The following ZNF518A variants were observed in gnomAD, a reference collection of about 807,000 sequenced individuals.
ZNF518A encodes the protein zinc finger protein 518A.
Under a neutral mutation model 102.7 loss-of-function variants are expected in ZNF518A, and 47 were observed. That is an observed-to-expected ratio of 0.46 (90% CI 0.36 to 0.58). ZNF518A has a LOEUF of 0.58. Ranked by LOEUF, ZNF518A falls within the 20% of genes least tolerant of loss-of-function variation. The pLI, the probability that ZNF518A is intolerant of heterozygous loss-of-function variation, is 0.00. For missense variants in ZNF518A, 1,793 were observed against 1,699.8 expected (o/e 1.05, Z -0.96); for synonymous variants, 652 against 594.6 (o/e 1.10, Z -1.40).
At position 96,156,327 on chromosome 10, in the gene ZNF518A, C is replaced by A; in HGVS notation, c.5C>A (p.Pro2Gln). Residue 2 changes from proline (P) to glutamine (Q), a missense_variant, in exon 6 of 6, where the codon CCA becomes CAA. Physicochemically the swap from Pro to Gln is moderately conservative, Grantham distance 76. Around this residue, in one of 3 missense-constraint regions of ZNF518A, gnomAD observed 1,741 missense variants for 1,622.6 expected, o/e 1.07. Transcript: ENST00000316045. M[P>Q]SEQKQLFCDE... ...TGGGACTTTTTTGGTTAAATCATGCCATCTGAACAGAAACAGTTATTTTGT... is the reference window on the plus strand; with the variant it reads ...TGGGACTTTTTTGGTTAAATCATGCAATCTGAACAGAAACAGTTATTTTGT... The A allele has an allele frequency of 6.4e-7, 1 of 1,562,952 alleles. No individual in the cohort carries two copies. The highest frequency in any genetic ancestry group is 1.2e-5 in the South Asian group (1 of 81,704).
intron 3 of ZNF518A, among the ~76,000 whole-genome samples, chr10:96,144,926 C>T (rs1303434370): frequency 3.3e-5 from 5 of 151,974 alleles, no homozygotes; most frequent in African/African-American, 1.2e-4. Flanking sequence ...CTATTCATTT[C>T]TTTGTATAGC....
At chr10:96,153,754 T>A (rs1209534338) in intron 3 of ZNF518A, among the ~76,000 whole-genome samples, 1 of 152,150 alleles carries the variant, frequency 6.6e-6, no homozygotes, top group Non-Finnish European at 1.5e-5. Flanking sequence ...TGAAAACACA[T>A]GAAAACTCGA....
chr10:96,182,267 A>G (rs1285744640), intron 1 of ZNF518A, among the ~76,000 whole-genome samples: 3 of 152,204 alleles, frequency 2.0e-5, no homozygotes, highest in Non-Finnish European at 2.9e-5. Context: ...CAATAATGTC[A>G]TCTGCAAACA....
At position 96,172,249 on chromosome 10, in the gene ZNF518A, T is replaced by C. The variant is rs587761605; in HGVS notation, n.35+16202T>C. The stretch of plus-strand genomic sequence containing the variant: ...TATTTTCCTTTCTCTTAAAAGGCAA[T>C]CAAATAAAACATTATGCATATAATT... On this transcript the variant is annotated intron_variant and non_coding_transcript_variant, in intron 1 of 2. Transcript: ENST00000442635. 2.6e-5 allele frequency among the ~76,000 whole-genome samples: 4 copies of C among 152,176 alleles called. No homozygotes were observed. In the South Asian group the frequency reaches 6.2e-4, roughly 24 times the overall value.
At chr10:96,176,949 A>G (rs1554891546) in intron 1 of ZNF518A, among the ~76,000 whole-genome samples, 1 of 151,970 alleles carries the variant, frequency 6.6e-6, no homozygotes, top group African/African-American at 2.4e-5. Flanking sequence ...GTAGTTGTGC[A>G]TGCCTGTAGT....
intron 3 of ZNF518A, chr10:96,135,409 T>G (rs907059502): frequency 6.6e-6 from 1 of 152,276 alleles, no homozygotes; most frequent in African/African-American, 2.4e-5. Flanking sequence ...AGTGTTCTGA[T>G]GAATATATGG....
In ZNF518A at chr10:96,159,802, G is replaced by T. The variant is rs782723648; in HGVS notation, c.3480G>T (p.Leu1160=). The part of the protein sequence containing the change: ...PVLNVTAANN[L]SVSNSASSLQ... ...TAAATGTGACTGCTGCTAATAATCT[G>T]TCAGTAAGCAACTCTGCATCCTCAT... Residue 1160 remains leucine (L), a synonymous_variant, in exon 6 of 6, where the codon CTG becomes CTT. Coordinates refer to ENST00000316045, the MANE Select transcript of ZNF518A (RefSeq NM_001330736.2). 5.0e-6 allele frequency: 8 copies of T among 1,613,640 alleles called. No homozygotes were observed. The highest frequency in any genetic ancestry group is 6.8e-6 in the Non-Finnish European group (8 of 1,179,786).
intron 3 of ZNF518A, among the ~76,000 whole-genome samples, chr10:96,145,064 T>TTTGTTG (rs56087328): frequency 0.015 from 2,269 of 150,760 alleles, 54 homozygotes; most frequent in African/African-American, 0.047. Context: ...ACATGTATGT[T>TTTGTTG]TTGTTGTTGT....
At chr10:96,185,381 A>C (rs1554892468) in intron 1 of ZNF518A, among the ~76,000 whole-genome samples, 2 of 152,184 alleles carry the variant, frequency 1.3e-5, no homozygotes, top group African/African-American at 4.8e-5. Flanking sequence ...TTGGAGGAGA[A>C]GAGGCACTCT....
chr10:96,195,493 A>G (rs1037809319), intron 1 of ZNF518A, among the ~76,000 whole-genome samples: 15 of 152,244 alleles, frequency 9.9e-5, no homozygotes. Context: ...AAGGAAGGAA[A>G]TCCTAACACA....
chr10:96,155,538 A>C (rs1422329155), intron 4 of ZNF518A, 162 bp downstream of exon 4: 1 of 152,242 alleles, frequency 6.6e-6, no homozygotes, highest in Non-Finnish European at 1.5e-5. Context: ...TTAGGACTAC[A>C]CTAGGGAAAT....
rs587686247 is a variant in ZNF518A at position 96,189,671 on chromosome 10, C to T, written n.36-13903C>T. 7.4e-5 allele frequency: 53 copies of T among 719,266 alleles called. No homozygotes were observed. In the East Asian group the frequency reaches 1.0e-3, roughly 14 times the overall value. The allele number at this position is 719,266 out of a possible 1,614,324, so 44.6% of individuals were successfully genotyped here. On this transcript the variant is annotated intron_variant and non_coding_transcript_variant, in intron 1 of 2. Transcript: ENST00000442635. ...GAGTATGTAGATTTCTTCAATGGTG[C>T]TTTTTCTTCAGTTTCCTCATCATCA...
chr10:96,190,625 A>G (rs1303770831), intron 1 of ZNF518A, among the ~76,000 whole-genome samples: 1 of 152,196 alleles, frequency 6.6e-6, no homozygotes, highest in Non-Finnish European at 1.5e-5. Flanking sequence ...TTACCCTGAA[A>G]TTATTACCTT....
intron 1 of ZNF518A, among the ~76,000 whole-genome samples, chr10:96,182,644 GT>G (rs1184462506): frequency 2.0e-5 from 3 of 152,168 alleles, no homozygotes; most frequent in African/African-American, 7.2e-5. Context: ...ATTTGCATAT[GT>G]TGAACCAGCC....
rs1182069561 is a variant in ZNF518A at position 96,158,621 on chromosome 10, G to A, written c.2299G>A (p.Val767Ile). 1.9e-6 allele frequency: 3 copies of A among 1,613,390 alleles called. No individual in the cohort carries two copies. The highest frequency in any genetic ancestry group is 1.6e-4 in the Middle Eastern group (1 of 6,062). The stretch of plus-strand genomic sequence containing the variant: ...ACCTATGATGCCTAGAATCACATCT[G>A]TTTTCTCTCTCCAGAGCCAACAGGC... Reference protein sequence around the residue: ...DSPMMPRITSVFSLQSQQASE... With the variant: ...DSPMMPRITSIFSLQSQQASE... Residue 767 changes from valine to isoleucine, a missense_variant, in exon 6 of 6, where the codon GTT (valine) becomes ATT (isoleucine). Physicochemically the swap from Val to Ile is conservative, Grantham distance 29. This residue lies in a region of ZNF518A where 1,741 missense variants were observed against 1,622.6 expected (regional missense o/e 1.07). Coordinates refer to ENST00000316045, the MANE Select transcript of ZNF518A (RefSeq NM_001330736.2).
rs2082979013 is a variant in ZNF518A, at chr10:96,161,015, T to C, written c.*241T>C. 5.1e-6 allele frequency: 2 copies of C among 389,468 alleles called. No individual in the cohort carries two copies. The highest frequency in any genetic ancestry group is 4.6e-6 in the Non-Finnish European group (1 of 218,128). The allele number at this position is 389,468 out of a possible 1,614,324, so 24.1% of individuals were successfully genotyped here. A position where few individuals can be genotyped will look rare whatever the true frequency, so the allele number is the denominator to read the frequency against. On this transcript the variant is annotated 3_prime_UTR_variant, in exon 6 of 6. Coordinates refer to ENST00000316045, the MANE Select transcript of ZNF518A (RefSeq NM_001330736.2). ...GCACAGAAGTACCTTGATTTAATTT[T>C]TTAAACGTGTTCTCGGGAAGTTAGG...
At position 96,158,617 on chromosome 10, in the gene ZNF518A, ATC is replaced by A; in HGVS notation, c.2297_2298del (p.Ser766CysfsTer16). 1 of 1,613,470 alleles carries A rather than the reference ATC, an allele frequency of 6.2e-7. No individual in the cohort carries two copies. The highest frequency in any genetic ancestry group is 8.5e-7 in the Non-Finnish European group (1 of 1,179,678). On this transcript the variant is annotated frameshift_variant, in exon 6 of 6. Transcript: ENST00000316045. LOFTEE classifies it high-confidence loss of function. The stretch of plus-strand genomic sequence containing the variant: ...ATTCACCTATGATGCCTAGAATCAC[ATC>A]TGTTTTCTCTCTCCAGAGCCAACAG... ...VDSPMMPRIT[S>X]VFSLQSQQAS...
chr10:96,141,736 T>G (rs1288360661), intron 3 of ZNF518A, among the ~76,000 whole-genome samples: 1 of 140,284 alleles, frequency 7.1e-6, no homozygotes, highest in Non-Finnish European at 1.5e-5. Flanking sequence ...TACATTTCTT[T>G]TTTTCTTCTT....
intron 4 of ZNF518A, 26 bp downstream of exon 4, chr10:96,155,402 G>A (rs2082651638): frequency 6.6e-6 from 1 of 152,170 alleles, no homozygotes; most frequent in Admixed American, 6.5e-5. Context: ...AATGCAGGTA[G>A]GTAGTGATGG....
Sources: allele counts gnomAD v4.1 joint callset (sites outside exome capture counted in the v4.1 genomes callset), GRCh38; gene constraint gnomAD v4.1.1; regional missense constraint gnomAD v4.1.1; transcripts MANE v1.5; gene names NCBI Gene and HGNC (gene_info 2026-07-23, HGNC 2026-07-21).